The following ASTE1 variants were observed in gnomAD, a reference collection of about 807,000 sequenced individuals.
The protein encoded by ASTE1 is single-strand DNA endonuclease ASTE1.
In ASTE1, 49 loss-of-function variants were observed where a neutral mutation model predicts 45.8. That is an observed-to-expected ratio of 1.07 (90% confidence interval 0.85 to 1.36). The LOEUF is 1.36. Ranked by LOEUF, ASTE1 falls within the 40% of genes most tolerant of loss-of-function variation. The probability of loss-of-function intolerance (pLI) is 0.00; values close to 1 mark genes in which losing one functional copy is unlikely to be tolerated. For missense variants in ASTE1, 709 were observed against 804.0 expected, an observed-to-expected ratio of 0.88 and a Z score of 1.43; for synonymous variants, 296 against 303.9, an observed-to-expected ratio of 0.97 and a Z score of 0.27.
rs2063699188 is a variant in ASTE1, at chr3:131,018,536, C to T, written c.1483G>A (p.Gly495Arg). Reference sequence around the variant, plus strand: ...CTGTTGATTATGGCAATCAAGGGCCCCACTAGCATTGTGAGCAGTAAGGAT... The same window carrying T: ...CTGTTGATTATGGCAATCAAGGGCCTCACTAGCATTGTGAGCAGTAAGGAT... Reference protein sequence around the residue: ...LQSLLLTMLVGPLIAIINSPG... With the variant: ...LQSLLLTMLVRPLIAIINSPG... Residue 495 changes from glycine to arginine, a missense_variant, in exon 4 of 6, where the codon GGG becomes AGG. Physicochemically the swap from Gly to Arg is moderately radical, Grantham distance 125 (BLOSUM62 -2). Coordinates refer to ENST00000264992, the MANE Select transcript of ASTE1 (RefSeq NM_014065.4). The T allele has an allele frequency of 1.9e-6, 3 of 1,613,712 alleles. No individual in the cohort carries two copies. Among genetic ancestry groups the T allele is most frequent in the Non-Finnish European group, 2.5e-6 (3 of 1,179,992 alleles).
rs761435391 is a variant in ASTE1, at chr3:131,023,997, ATACT to A, written c.1302+4_1302+7del. ...TACAAAAATTTCATTAGTATTACAA[ATACT>A]TACCTCAGTCAATCTGCTTAAGTCA... On this transcript the variant is annotated splice_donor_5th_base_variant and intron_variant, in intron 3 of 5. Coordinates refer to ENST00000264992, the MANE Select transcript of ASTE1 (RefSeq NM_014065.4). 7 of 1,570,928 alleles carry A rather than the reference ATACT, an allele frequency of 4.5e-6. No homozygotes were observed. In the South Asian group the frequency reaches 5.9e-5, roughly 13 times the overall value.
At chr3:131,015,313 G>A in intron 5 of ASTE1, 1 of 665,650 alleles carries the variant, frequency 1.5e-6, no homozygotes, top group Non-Finnish European at 2.7e-6. Flanking sequence ...ACATCTGAGT[G>A]GAGAGACAAA....
chr3:131,023,156 G>C (rs2063765280), intron 3 of ASTE1, among the ~76,000 whole-genome samples: 2 of 152,176 alleles, frequency 1.3e-5, no homozygotes, highest in African/African-American at 2.4e-5. Context: ...AAATCCACTG[G>C]GAAGCTGTGG....
At chr3:131,017,726 C>G (rs566247181) in intron 4 of ASTE1, among the ~76,000 whole-genome samples, 19 of 152,106 alleles carry the variant, frequency 1.2e-4, no homozygotes, top group Admixed American at 9.2e-4. Flanking sequence ...AATCCCAGCA[C>G]TTTGGGAGGC....
chr3:131,024,026 A>T lies in ASTE1; in HGVS notation c.1281T>A (p.Ser427=). The T allele has an allele frequency of 6.2e-7, 1 of 1,604,560 alleles. No homozygotes were observed. The highest frequency in any genetic ancestry group is 8.5e-7 in the Non-Finnish European group (1 of 1,173,594). The stretch of plus-strand genomic sequence containing the variant: ...TTACCTCAGTCAATCTGCTTAAGTC[A>T]GAATGATCCTTGGCCAGTTCTACTG... ...IDAVELAKDH[S]DLSRLTELSL... Residue 427 remains serine (S), a synonymous_variant, in exon 3 of 6, where the codon TCT becomes TCA. Coordinates refer to ENST00000264992, the MANE Select transcript of ASTE1 (RefSeq NM_014065.4).
In ASTE1 at chr3:131,024,879, C is replaced by T. The variant is rs760565025; in HGVS notation, c.428G>A (p.Arg143Gln). 6.8e-6 allele frequency: 11 copies of T among 1,614,118 alleles called. No homozygotes were observed. Among genetic ancestry groups the T allele is most frequent in the Middle Eastern group, 1.6e-4 (1 of 6,062 alleles). The part of the protein sequence containing the change: ...CFVQCFSEAD[R>Q]DIMTLANHWN... ...ATGGTTAGCAAGTGTCATAATGTCC[C>T]GATCTGCTTCTGAAAAGCACTGGAC... The change falls in exon 3 of 6, where the codon CGG becomes CAG. Residue 143 changes from arginine (R) to glutamine (Q), a missense_variant. Transcript: ENST00000264992.
rs765189038 is a variant in ASTE1 at position 131,024,363 on chromosome 3, T to C, written c.944A>G (p.Tyr315Cys). ...KLQDFFQCGT[Y>C]VCPDALNLGL... ...AAGATTCAAGGCATCTGGACAGACA[T>C]AAGTACCACACTGGAAGAAGTCCTG... The change falls in exon 3 of 6, where the codon TAT becomes TGT. Residue 315 changes from tyrosine (Y) to cysteine (C), a missense_variant. Transcript: ENST00000264992. 2.2e-5 allele frequency: 35 copies of C among 1,614,142 alleles called. No homozygotes were observed. The highest frequency in any genetic ancestry group is 2.9e-5 in the Non-Finnish European group (34 of 1,180,052).
chr3:131,018,303 GC>G (rs1447579637), intron 4 of ASTE1, among the ~76,000 whole-genome samples: 7 of 152,154 alleles, frequency 4.6e-5, no homozygotes, highest in African/African-American at 1.7e-4. Flanking sequence ...TAAGATTCAA[GC>G]CCTCCAGCAC....
Position 131,014,292 on chromosome 3 carries a change from T to C in ASTE1, c.1805A>G (p.Gln602Arg). The change falls in exon 6 of 6, where the codon CAA becomes CGA. Residue 602 changes from glutamine to arginine, a missense_variant. Transcript: ENST00000264992. ...GGCATTGAATAGATATTCATAAAGT[T>C]GCTTAGCCTCAGGACATATGCTCAG... Reference protein sequence around the residue: ...SLLSICPEAKQLYEYLFNATR... With the variant: ...SLLSICPEAKRLYEYLFNATR... The C allele has an allele frequency of 6.2e-7, 1 of 1,614,150 alleles. No individual in the cohort carries two copies. Among genetic ancestry groups the C allele is most frequent in the Non-Finnish European group, 8.5e-7 (1 of 1,180,018 alleles).
intron 3 of ASTE1, among the ~76,000 whole-genome samples, chr3:131,020,937 G>A (rs1161098676): frequency 6.6e-6 from 1 of 152,034 alleles, no homozygotes; most frequent in South Asian, 2.1e-4. Context: ...ATTTCCATGT[G>A]GGGGGAAAAG....
chr3:131,021,447 A>C (rs986466117), intron 3 of ASTE1, among the ~76,000 whole-genome samples: 8 of 152,254 alleles, frequency 5.3e-5, no homozygotes, highest in Non-Finnish European at 8.8e-5. Flanking sequence ...GTGGAATAAA[A>C]GCCAGATGAA....
chr3:131,017,354 AT>A (rs2109083918), intron 4 of ASTE1, among the ~76,000 whole-genome samples: 1 of 152,330 alleles, frequency 6.6e-6, no homozygotes, highest in South Asian at 2.1e-4. Context: ...GAGTAGCACG[AT>A]CTAATAGAAC....
rs144149458 is a variant in ASTE1, at chr3:131,024,057, A to G, written c.1250T>C (p.Ile417Thr). ...ATCCTTGGCCAGTTCTACTGCATCA[A>G]TGATTGAGGTTCTGATATTTTTATT... ...RINKNIRTSIIDAVELAKDHS... is the reference protein window; with the variant it reads ...RINKNIRTSITDAVELAKDHS... The change falls in exon 3 of 6, where the codon ATT becomes ACT. Residue 417 changes from isoleucine to threonine, a missense_variant. Transcript: ENST00000264992. The G allele has an allele frequency of 1.8e-4, 290 of 1,613,720 alleles. 1 individual carries two copies. In the East Asian group the frequency reaches 1.9e-3, roughly 11 times the overall value.
At position 131,025,343 on chromosome 3, in the gene ASTE1, A is replaced by G; in HGVS notation, c.-25-12T>C. 1 of 1,571,638 alleles carries G rather than the reference A, an allele frequency of 6.4e-7. No homozygotes were observed. Among genetic ancestry groups the G allele is most frequent in the Non-Finnish European group, 8.6e-7 (1 of 1,159,838 alleles). ...AAAGAATTAATCGCCTGTTTAAAAC[A>G]ACAGAAAACATTTTCAATTGATGCT... is the stretch of plus-strand genomic sequence containing the variant. On this transcript the variant is annotated splice_polypyrimidine_tract_variant and intron_variant, in intron 2 of 5. Coordinates refer to ENST00000264992, the MANE Select transcript of ASTE1 (RefSeq NM_014065.4).
rs2063631739 is a variant in ASTE1 at position 131,016,318 on chromosome 3, T to A, written c.1535A>T (p.Asp512Val). ...NSPGKEELQE[D>V]GAKMLYAEFQ... The stretch of plus-strand genomic sequence containing the variant: ...CTCTGCATACAACATCTTAGCACCA[T>A]CTTCCTGCAGCTCTTCCTTACCTAA... Residue 512 changes from aspartate (D) to valine (V), a missense_variant, in exon 5 of 6, where the codon GAT becomes GTT. By Grantham distance (152) the Asp-to-Val change is radical (BLOSUM62 -3). Coordinates refer to ENST00000264992, the MANE Select transcript of ASTE1 (RefSeq NM_014065.4). 6.2e-7 allele frequency: 1 copy of A among 1,614,186 alleles called. No homozygotes were observed.
chr3:131,023,611 T>C (rs2063770736), intron 3 of ASTE1, among the ~76,000 whole-genome samples: 1 of 152,266 alleles, frequency 6.6e-6, no homozygotes, highest in Non-Finnish European at 1.5e-5. Flanking sequence ...TCTGAGATGT[T>C]GTGCCTATGA....
At chr3:131,026,246 C>T (rs1424840481) in intron 1 of ASTE1, 1 of 152,224 alleles carries the variant, frequency 6.6e-6, no homozygotes, top group Non-Finnish European at 1.5e-5. Flanking sequence ...CACCCTAGTT[C>T]CAGCCCTGTC....
In ASTE1 at chr3:131,025,011, TTC is replaced by T; in HGVS notation, c.294_295del (p.Lys99AspfsTer51). The T allele has an allele frequency of 6.3e-7, 1 of 1,599,126 alleles. No homozygotes were observed. Among genetic ancestry groups the T allele is most frequent in the East Asian group, 2.2e-5 (1 of 44,756 alleles). ...AGAAAGGGAATGGGCCATCTGGATCTTCTCTCTAGCTCTATCCTTTAAAGTTG... is the reference window on the plus strand; with the variant it reads ...AGAAAGGGAATGGGCCATCTGGATCTTCTCTAGCTCTATCCTTTAAAGTTG... On this transcript the variant is annotated frameshift_variant, in exon 3 of 6. Coordinates refer to ENST00000264992, the MANE Select transcript of ASTE1 (RefSeq NM_014065.4). LOFTEE classifies it high-confidence loss of function.
intron 3 of ASTE1, among the ~76,000 whole-genome samples, chr3:131,020,406 G>A (rs1275775302): frequency 6.6e-6 from 1 of 152,176 alleles, no homozygotes; most frequent in Non-Finnish European, 1.5e-5. Context: ...GAGATGCCCA[G>A]AGAGAGACTG....
Sources: gnomAD v4.1 joint callset for allele counts (sites outside exome capture counted in the v4.1 genomes callset) on GRCh38, gnomAD v4.1.1 for gene constraint, MANE v1.5 for transcripts, NCBI Gene and HGNC (gene_info 2026-07-23, HGNC 2026-07-21) for gene names.